The following FAM200C variants were observed in gnomAD, a reference collection of about 807,000 sequenced individuals.
chr5:160,393,352 GC>G, the FAM200C span: 8 of 193,090 alleles, frequency 4.1e-5, no homozygotes, highest in Non-Finnish European at 5.2e-5. Context: ...CTTTCATTTT[GC>G]CTTTTTGACT....
At chr5:160,393,997 T>C in the FAM200C span, 1 of 1,613,764 alleles carries the variant, frequency 6.2e-7, no homozygotes, top group Non-Finnish European at 8.5e-7. Flanking sequence ...CACTAGCTCG[T>C]AATTCAGCAA....
chr5:160,393,526 A>C, the FAM200C span: 5 of 605,760 alleles, frequency 8.3e-6, no homozygotes, highest in East Asian at 2.8e-5. Flanking sequence ...AGTAGTACTT[A>C]ATCTTTTCTG....
At chr5:160,395,214 G>A in the FAM200C span, 1 of 1,613,620 alleles carries the variant, frequency 6.2e-7, no homozygotes, top group African/African-American at 1.3e-5. Flanking sequence ...TACGATGCTT[G>A]TAATAAAGTA....
chr5:160,398,427 C>A, the FAM200C span, among the ~76,000 whole-genome samples: 2 of 152,132 alleles, frequency 1.3e-5, no homozygotes. Flanking sequence ...ATCCCAGCTA[C>A]TGGAGAGGCT....
the FAM200C span, chr5:160,394,931 T>C: frequency 6.2e-7 from 1 of 1,613,288 alleles, no homozygotes; most frequent in Admixed American, 1.7e-5. Flanking sequence ...TGCCATTAGC[T>C]GACTGCAGTC....
the FAM200C span, among the ~76,000 whole-genome samples, chr5:160,397,793 C>G: frequency 1.3e-5 from 2 of 152,178 alleles, no homozygotes; most frequent in African/African-American, 2.4e-5. Context: ...GACTACATGA[C>G]CACTTTTGCT....
chr5:160,397,796 CT>C, the FAM200C span, among the ~76,000 whole-genome samples: 27 of 152,302 alleles, frequency 1.8e-4, no homozygotes, highest in Admixed American at 3.9e-4. Flanking sequence ...TACATGACCA[CT>C]TTTGCTTAGA....
the FAM200C span, chr5:160,399,747 C>T: frequency 6.6e-6 from 1 of 151,674 alleles, no homozygotes; most frequent in South Asian, 2.1e-4. Flanking sequence ...ATTTTTACAG[C>T]CTCCCGGGTG....
the FAM200C span, chr5:160,394,505 G>A: frequency 1.2e-6 from 2 of 1,614,044 alleles, no homozygotes; most frequent in Non-Finnish European, 1.7e-6. Context: ...CCTCATTTCA[G>A]TATGGAAAAG....
the FAM200C span, chr5:160,394,208 G>T: frequency 2.5e-6 from 4 of 1,611,744 alleles, no homozygotes; most frequent in Non-Finnish European, 3.4e-6. Flanking sequence ...TTCAAGAAAA[G>T]GAAAATTGGT....
the FAM200C span, chr5:160,399,661 TA>T: frequency 6.6e-6 from 1 of 152,130 alleles, no homozygotes; most frequent in Non-Finnish European, 1.5e-5. Context: ...TTAGGAGATT[TA>T]ATTATAAGAA....
At chr5:160,398,896 G>A in the FAM200C span, among the ~76,000 whole-genome samples, 3 of 152,028 alleles carry the variant, frequency 2.0e-5, no homozygotes, top group Non-Finnish European at 4.4e-5. Context: ...TTGTGGTTGT[G>A]TTTTTAAAAA....
At chr5:160,394,938 A>G in the FAM200C span, 258 of 1,613,354 alleles carry the variant, frequency 1.6e-4, no homozygotes, top group Non-Finnish European at 2.1e-4. Flanking sequence ...AGCTGACTGC[A>G]GTCATCCATG....
At chr5:160,398,728 C>T in the FAM200C span, among the ~76,000 whole-genome samples, 1 of 152,158 alleles carries the variant, frequency 6.6e-6, no homozygotes, top group Non-Finnish European at 1.5e-5. Flanking sequence ...TTTCAAGGGC[C>T]TCAAAGATGA....
chr5:160,394,208 G>C, the FAM200C span: 1 of 1,611,744 alleles, frequency 6.2e-7, no homozygotes, highest in Non-Finnish European at 8.5e-7. Flanking sequence ...TTCAAGAAAA[G>C]GAAAATTGGT....
chr5:160,399,062 A>C, the FAM200C span, among the ~76,000 whole-genome samples: 10 of 152,208 alleles, frequency 6.6e-5, no homozygotes, highest in Non-Finnish European at 1.0e-4. Flanking sequence ...TTGAAGCTGG[A>C]TGATGGGTAT....
the FAM200C span, chr5:160,397,405 G>A: frequency 6.6e-5 from 10 of 152,170 alleles, no homozygotes; most frequent in South Asian, 2.1e-4. Flanking sequence ...CTTTAGCAAC[G>A]AGTAAAGGCA....
At chr5:160,395,436 T>C in the FAM200C span, 1 of 1,614,210 alleles carries the variant, frequency 6.2e-7, no homozygotes, top group Non-Finnish European at 8.5e-7. Flanking sequence ...ACTTCCGTTG[T>C]ACAGGTGAAC....
At chr5:160,398,278 G>A in the FAM200C span, among the ~76,000 whole-genome samples, 1,009 of 152,196 alleles carry the variant, frequency 6.6e-3, 8 homozygotes, top group African/African-American at 0.022. Context: ...GGCTGGGTAC[G>A]GTGGCTCATG....
Sources: allele counts gnomAD v4.1 joint callset (sites outside exome capture counted in the v4.1 genomes callset), GRCh38; gene constraint gnomAD v4.1.1; transcripts MANE v1.5.